Variants in TOM1L1 observed in about 807,000 individuals in gnomAD.
TOM1L1 encodes the protein target of myb1 like 1 membrane trafficking protein.
Under a neutral mutation model 63.4 loss-of-function variants are expected in TOM1L1, and 64 were observed. That is an observed-to-expected ratio of 1.01 (90% CI 0.83 to 1.24). TOM1L1 has a LOEUF of 1.24. TOM1L1 is among the 50% of genes most tolerant of loss of function. The probability of loss-of-function intolerance (pLI) is 0.00; values close to 1 mark genes in which losing one functional copy is unlikely to be tolerated. For missense variants in TOM1L1, 536 were observed against 567.0 expected (o/e 0.95, Z 0.55); for synonymous variants, 166 against 194.4 (o/e 0.85, Z 1.22).
chr17:54,914,777 CTT>C, intron 6 of TOM1L1, 34 bp downstream of exon 6: 1 of 1,519,494 alleles, frequency 6.6e-7, no homozygotes, highest in South Asian at 1.1e-5. Flanking sequence ...TAATTGATGT[CTT>C]TTCCTGATTT....
chr17:54,904,768 G>A (rs1475855025), intron 2 of TOM1L1, among the ~76,000 whole-genome samples: 2 of 152,046 alleles, frequency 1.3e-5, no homozygotes, highest in Non-Finnish European at 2.9e-5. Context: ...AATTTTCCTG[G>A]GCATATTAAA....
chr17:54,936,838 G>GGTATAGATTACTTGCCTT, intron 9 of TOM1L1, 129 bp downstream of exon 9: 2 of 779,372 alleles, frequency 2.6e-6, no homozygotes, highest in Non-Finnish European at 4.1e-6. Context: ...TGGTTTTAAT[G>GGTATAGATTACTTGCCTT]GTATAGATTA....
At position 54,961,296 on chromosome 17, in the gene TOM1L1, CTG is replaced by C. The variant is rs1188736757; in HGVS notation, c.*66_*67del. 11 of 1,551,594 alleles carry C rather than the reference CTG, an allele frequency of 7.1e-6. No homozygotes were observed. The Admixed American group carries it at 7.8e-5, about 11-fold the overall frequency. On this transcript the variant is annotated 3_prime_UTR_variant, in exon 16 of 16. Transcript: ENST00000575882. ...GTGCCAACTCTCTAAAACGTAGACT[CTG>C]TGCAGCTTTGAAGCCTGGAAGACAA...
chr17:54,951,263 C>T lies in TOM1L1; in HGVS notation c.1370+1137C>T, dbSNP rs749465976. Reference sequence around the variant, plus strand: ...GAAGAGATGCACAGGGCGAGGCATGCGGAAAAGGCCATGGAGTTTCCGTGC... The same window carrying T: ...GAAGAGATGCACAGGGCGAGGCATGTGGAAAAGGCCATGGAGTTTCCGTGC... On this transcript the variant is annotated intron_variant, in intron 14 of 15. Transcript: ENST00000575882. 3.6e-4 allele frequency among the ~76,000 whole-genome samples: 55 copies of T among 152,298 alleles called. 2 individuals are homozygous for T. The highest frequency in any genetic ancestry group is 2.8e-4 in the Non-Finnish European group (19 of 68,030).
intron 11 of TOM1L1, among the ~76,000 whole-genome samples, chr17:54,944,365 G>A (rs992482579): frequency 1.3e-5 from 2 of 151,148 alleles, no homozygotes; most frequent in African/African-American, 4.9e-5. Context: ...CATGAGAATT[G>A]ACTGAACCCA....
intron 7 of TOM1L1, 176 bp downstream of exon 7, chr17:54,916,038 G>T: frequency 2.0e-6 from 1 of 494,372 alleles, no homozygotes. Context: ...CAGAAATGCA[G>T]TAGTAACTTA....
At chr17:54,949,399 C>A in intron 12 of TOM1L1, 119 bp from the exon 13 acceptor site, 1 of 683,562 alleles carries the variant, frequency 1.5e-6, no homozygotes, top group Non-Finnish European at 2.4e-6. Context: ...TTAAAAACAA[C>A]TTATTCTTGT....
chr17:54,935,495 C>G (rs2048930120), intron 8 of TOM1L1, among the ~76,000 whole-genome samples: 1 of 152,140 alleles, frequency 6.6e-6, no homozygotes, highest in East Asian at 1.9e-4. Flanking sequence ...ATTGTCATAA[C>G]AGTAATACTA....
chr17:54,944,217 G>A (rs991968777), intron 11 of TOM1L1, among the ~76,000 whole-genome samples: 1 of 152,080 alleles, frequency 6.6e-6, no homozygotes, highest in African/African-American at 2.4e-5. Context: ...GGAGGACGAG[G>A]TGGGTGGATC....
At chr17:54,904,363 C>CT (rs1212227215) in intron 2 of TOM1L1, among the ~76,000 whole-genome samples, 1 of 130,024 alleles carries the variant, frequency 7.7e-6, no homozygotes, top group African/African-American at 3.1e-5. Context: ...AAGCAAGACT[C>CT]TATCTCAAAA....
intron 8 of TOM1L1, 49 bp downstream of exon 8, chr17:54,930,255 C>T (rs1455243998): frequency 5.6e-6 from 9 of 1,608,802 alleles, no homozygotes; most frequent in African/African-American, 1.3e-5. Flanking sequence ...TCTACTTTCA[C>T]CACCAATTAC....
intron 3 of TOM1L1, chr17:54,906,780 C>G: frequency 1.0e-6 from 1 of 985,506 alleles, no homozygotes; most frequent in Non-Finnish European, 1.2e-6. Flanking sequence ...CCTCTTCAGT[C>G]ACGTTGGTGA....
intron 14 of TOM1L1, chr17:54,954,864 C>T (rs2049413967): frequency 6.6e-6 from 1 of 152,216 alleles, no homozygotes. Context: ...TTCCCATTTA[C>T]CATGTTTCTT....
chr17:54,931,949 G>GTTTTTT (rs10632110), intron 8 of TOM1L1, among the ~76,000 whole-genome samples: 47 of 121,520 alleles, frequency 3.9e-4, no homozygotes, highest in African/African-American at 1.4e-3. Flanking sequence ...TTTTTTCTTC[G>GTTTTTT]TTTTTTTTTT....
intron 12 of TOM1L1, 175 bp downstream of exon 12, chr17:54,947,487 C>T: frequency 3.1e-6 from 2 of 637,890 alleles, no homozygotes; most frequent in Non-Finnish European, 5.6e-6. Context: ...GCTATCTCCA[C>T]TTCCTTTCCT....
At chr17:54,952,746 CG>C (rs1567843826) in intron 14 of TOM1L1, 1 of 152,040 alleles carries the variant, frequency 6.6e-6, no homozygotes, top group East Asian at 1.9e-4. Context: ...TATCTAGTAC[CG>C]CATTAGCCAA....
chr17:54,907,447 C>A (rs1383820610), intron 3 of TOM1L1, among the ~76,000 whole-genome samples: 1 of 152,176 alleles, frequency 6.6e-6, no homozygotes, highest in Non-Finnish European at 1.5e-5. Context: ...TTCTAAATTC[C>A]ATGCCCTTGC....
intron 14 of TOM1L1, chr17:54,954,799 T>G (rs1252547182): frequency 1.2e-4 from 18 of 152,208 alleles, no homozygotes; most frequent in Admixed American, 1.2e-3. Flanking sequence ...CTGCATTTCA[T>G]CTGCAAGGCA....
chr17:54,938,426 G>GGAGGT (rs1315344118), intron 10 of TOM1L1, among the ~76,000 whole-genome samples: 1 of 150,930 alleles, frequency 6.6e-6, no homozygotes, highest in Non-Finnish European at 1.5e-5. Context: ...CTCAGGAGGT[G>GGAGGT]GAGGTTGTGG....
Sources: allele counts gnomAD v4.1 joint callset (sites outside exome capture counted in the v4.1 genomes callset), GRCh38; gene constraint gnomAD v4.1.1; transcripts MANE v1.5; gene names NCBI Gene and HGNC (gene_info 2026-07-23, HGNC 2026-07-21).